The following ERAP1 variants were observed in gnomAD, a reference collection of about 807,000 sequenced individuals.
ERAP1 encodes the protein adipocyte-derived leucine aminopeptidase.
ERAP1 carries 86 observed loss-of-function variants against 103.7 expected under a neutral mutation model. That is an observed-to-expected ratio of 0.83 (90% CI 0.70 to 0.99). The LOEUF is 0.99. Ranked by LOEUF, ERAP1 falls within the 50% of genes least tolerant of loss-of-function variation. The pLI is 0.00. For missense variants in ERAP1, 1,009 were observed against 1,128.4 expected, an observed-to-expected ratio of 0.89 and a Z score of 1.52; for synonymous variants, 398 against 402.4, an observed-to-expected ratio of 0.99 and a Z score of 0.13.
At chr5:96,903,682 A>AT in the ERAP1 span, 11 of 887,354 alleles carry the variant, frequency 1.2e-5, no homozygotes, top group South Asian at 2.0e-5. Context: ...TGGAATTCAA[A>AT]CAGTGATCAC....
chr5:96,765,462 A>T (rs1291741167), intron 19 of ERAP1: 21 of 592,294 alleles, frequency 3.5e-5, no homozygotes, highest in Admixed American at 6.2e-5. Context: ...ATGAAATAGA[A>T]AAATCAATCT....
the ERAP1 span, among the ~76,000 whole-genome samples, chr5:96,915,227 T>G: frequency 6.6e-6 from 1 of 152,156 alleles, no homozygotes; most frequent in Non-Finnish European, 1.5e-5. Context: ...CAGGCAGGTC[T>G]CAAACTCCTG....
chr5:96,824,105 C>A, the ERAP1 span, among the ~76,000 whole-genome samples: 719 of 152,254 alleles, frequency 4.7e-3, 7 homozygotes, highest in African/African-American at 0.017. Context: ...ATAATTGAAA[C>A]CTTGTAAATT....
the ERAP1 span, among the ~76,000 whole-genome samples, chr5:96,818,761 C>T: frequency 3.3e-5 from 5 of 152,102 alleles, no homozygotes; most frequent in African/African-American, 1.2e-4. Context: ...CAGTCTCAAT[C>T]TTATAACCTG....
At chr5:96,835,527 C>T in the ERAP1 span, among the ~76,000 whole-genome samples, 2 of 149,808 alleles carry the variant, frequency 1.3e-5, no homozygotes, top group Non-Finnish European at 3.0e-5. Context: ...TTTATTTGTA[C>T]GAAATGATGT....
At chr5:96,935,365 T>C in the ERAP1 span, 4,889 of 152,328 alleles carry the variant, frequency 0.032, 148 homozygotes, top group South Asian at 0.089. Flanking sequence ...CTCTTCCGTC[T>C]CCTCCTCACC....
chr5:96,822,321 C>A, the ERAP1 span, among the ~76,000 whole-genome samples: 10 of 152,100 alleles, frequency 6.6e-5, no homozygotes, highest in Non-Finnish European at 1.2e-4. Flanking sequence ...TAGCAGGAAG[C>A]CCAGAAATCT....
At chr5:96,800,436 TA>T (rs1581625912) in intron 3 of ERAP1, among the ~76,000 whole-genome samples, 4 of 152,226 alleles carry the variant, frequency 2.6e-5, no homozygotes, top group African/African-American at 7.2e-5. Flanking sequence ...ATATAATGAA[TA>T]TTACTATATA....
intron 8 of ERAP1, 67 bp from the exon 9 acceptor site, chr5:96,790,710 C>G: frequency 6.9e-7 from 1 of 1,445,302 alleles, no homozygotes; most frequent in Non-Finnish European, 9.7e-7. Context: ...ATCACATATT[C>G]TTTTGCAATA....
chr5:96,780,949 A>C, intron 17 of ERAP1, 109 bp downstream of exon 17: 1 of 1,307,526 alleles, frequency 7.6e-7, no homozygotes, highest in East Asian at 2.4e-5. Context: ...GCCTATCTTC[A>C]ATCAAAAAGT....
the ERAP1 span, chr5:96,814,026 A>G: frequency 1.1e-5 from 3 of 274,464 alleles, no homozygotes; most frequent in African/African-American, 6.6e-5. Flanking sequence ...ATACGAACAT[A>G]TCAACTTAAA....
At chr5:96,813,437 G>A in the ERAP1 span, among the ~76,000 whole-genome samples, 3 of 152,052 alleles carry the variant, frequency 2.0e-5, no homozygotes, top group East Asian at 1.9e-4. Context: ...GGAAGATCAT[G>A]AGGGCAGGAG....
the ERAP1 span, among the ~76,000 whole-genome samples, chr5:96,839,936 T>A: frequency 6.6e-6 from 1 of 152,244 alleles, no homozygotes; most frequent in Non-Finnish European, 1.5e-5. Context: ...TCTCATAAAA[T>A]GTGTACTTCT....
chr5:96,779,728 G>T (rs1774877774), intron 18 of ERAP1: 1 of 153,756 alleles, frequency 6.5e-6, no homozygotes, highest in Non-Finnish European at 1.5e-5. Flanking sequence ...ACACATCAAA[G>T]TCCTCGAGTT....
At chr5:96,792,473 T>A (rs1262882800) in intron 7 of ERAP1, among the ~76,000 whole-genome samples, 1 of 152,208 alleles carries the variant, frequency 6.6e-6, no homozygotes, top group Non-Finnish European at 1.5e-5. Flanking sequence ...ATTATGCCTA[T>A]AGCCAAACAG....
chr5:96,804,438 T>C (rs1778329864), intron 1 of ERAP1: 1 of 185,286 alleles, frequency 5.4e-6, no homozygotes. Context: ...AATCAAATGC[T>C]GACACAGTGG....
chr5:96,887,645 T>C, the ERAP1 span, among the ~76,000 whole-genome samples: 2 of 152,206 alleles, frequency 1.3e-5, no homozygotes, highest in Non-Finnish European at 2.9e-5. Context: ...TGAAAGAAGA[T>C]CTTTATAATT....
At chr5:96,836,073 T>C in the ERAP1 span, among the ~76,000 whole-genome samples, 17,496 of 151,786 alleles carry the variant, frequency 0.12, 1,293 homozygotes, top group Middle Eastern at 0.23. Context: ...CCTGCATGAG[T>C]CAGAGAGAAA....
At chr5:96,819,818 G>A in the ERAP1 span, among the ~76,000 whole-genome samples, 1 of 152,130 alleles carries the variant, frequency 6.6e-6, no homozygotes. Flanking sequence ...TGTGAGTGAA[G>A]TCATTATTTC....
Sources: gnomAD v4.1 joint callset for allele counts (sites outside exome capture counted in the v4.1 genomes callset) on GRCh38, gnomAD v4.1.1 for gene constraint, MANE v1.5 for transcripts, NCBI Gene and HGNC (gene_info 2026-07-23, HGNC 2026-07-21) for gene names.